Variants in HHAT observed in about 807,000 individuals in gnomAD.
HHAT encodes hedgehog acyltransferase.
Under a neutral mutation model 70.8 loss-of-function variants are expected in HHAT, and 47 were observed. The observed-to-expected ratio is 0.66, with a 90% CI of 0.53 to 0.85. The LOEUF (loss-of-function observed/expected upper bound fraction) is 0.85. Among genes scored for constraint, HHAT ranks in the 40% least tolerant of loss-of-function variants. The pLI is 0.00. For missense variants in HHAT, 609 were observed against 604.8 expected (o/e 1.01, Z -0.07); for synonymous variants, 228 against 247.6 (o/e 0.92, Z 0.74).
chr1:210,429,314 C>T (rs952669386), intron 7 of HHAT, among the ~76,000 whole-genome samples: 2 of 151,678 alleles, frequency 1.3e-5, no homozygotes, highest in African/African-American at 4.9e-5. Flanking sequence ...TCCTAGTTGT[C>T]TCCAAATATA....
chr1:210,463,976 C>T (rs2094038337), intron 7 of HHAT, among the ~76,000 whole-genome samples: 1 of 152,208 alleles, frequency 6.6e-6, no homozygotes, highest in South Asian at 2.1e-4. Flanking sequence ...TTGATACAGG[C>T]ATTCAGTGTG....
chr1:210,336,745 T>A (rs557570678), intron 1 of HHAT, among the ~76,000 whole-genome samples: 12 of 152,150 alleles, frequency 7.9e-5, no homozygotes, highest in Non-Finnish European at 1.8e-4. Flanking sequence ...GATCATGCCA[T>A]GCACTGTAGT....
chr1:210,484,141 C>A (rs1340645836), intron 8 of HHAT, among the ~76,000 whole-genome samples: 1 of 152,190 alleles, frequency 6.6e-6, no homozygotes, highest in Non-Finnish European at 1.5e-5. Flanking sequence ...CTATTATTAA[C>A]CCCAAGCCTG....
chr1:210,518,173 G>A (rs942746704), intron 9 of HHAT, among the ~76,000 whole-genome samples: 2 of 152,002 alleles, frequency 1.3e-5, no homozygotes, highest in East Asian at 3.9e-4. Flanking sequence ...CTGTGCAATC[G>A]GACACCAGAA....
chr1:210,612,974 GGTT>G (rs1666895411), intron 10 of HHAT, among the ~76,000 whole-genome samples: 1 of 152,062 alleles, frequency 6.6e-6, no homozygotes, highest in South Asian at 2.1e-4. Flanking sequence ...GGATTTTTTT[GGTT>G]GTTGTGTTAT....
chr1:210,624,409 C>T (rs1287714271), intron 11 of HHAT, among the ~76,000 whole-genome samples: 1 of 152,136 alleles, frequency 6.6e-6, no homozygotes, highest in Non-Finnish European at 1.5e-5. Flanking sequence ...TCTGTGGGTC[C>T]TAGCCTGCAA....
intron 11 of HHAT, among the ~76,000 whole-genome samples, chr1:210,661,444 CT>C (rs1205377863): frequency 6.6e-6 from 1 of 152,204 alleles, no homozygotes; most frequent in Non-Finnish European, 1.5e-5. Flanking sequence ...CACTTTTACA[CT>C]TTTGGTGGGA....
intron 9 of HHAT, among the ~76,000 whole-genome samples, chr1:210,560,851 A>AAAAAC (rs2095616641): frequency 7.7e-6 from 1 of 129,538 alleles, no homozygotes; most frequent in Non-Finnish European, 1.7e-5. Flanking sequence ...AAAAAAAAAA[A>AAAAAC]CCAGAGTAGA....
chr1:210,460,055 C>T (rs114830119), intron 7 of HHAT, among the ~76,000 whole-genome samples: 282 of 152,308 alleles, frequency 1.9e-3, no homozygotes, highest in South Asian at 0.011. Flanking sequence ...GTGGCCACTC[C>T]GTGTGGCTTG....
chr1:210,494,947 A>G (rs542791796), intron 8 of HHAT, among the ~76,000 whole-genome samples: 24 of 152,242 alleles, frequency 1.6e-4, no homozygotes, highest in African/African-American at 5.5e-4. Context: ...GGGACTCCCA[A>G]TTTGGGAGTC....
intron 9 of HHAT, among the ~76,000 whole-genome samples, chr1:210,577,653 T>C (rs1015940393): frequency 2.3e-5 from 3 of 129,400 alleles, no homozygotes; most frequent in South Asian, 2.7e-4. Context: ...TTTTTTTTTT[T>C]TTTTTTTTTT....
chr1:210,432,351 T>C (rs1043136775), intron 7 of HHAT, among the ~76,000 whole-genome samples: 1 of 151,928 alleles, frequency 6.6e-6, no homozygotes, highest in African/African-American at 2.4e-5. Context: ...GGAATGTTAA[T>C]AAACAAAGGA....
At chr1:210,461,913 C>A (rs1007644612) in intron 7 of HHAT, among the ~76,000 whole-genome samples, 1 of 152,070 alleles carries the variant, frequency 6.6e-6, no homozygotes, top group Admixed American at 6.6e-5. Flanking sequence ...TTTAAAAAAA[C>A]CCCAAAATCA....
intron 11 of HHAT, chr1:210,630,974 AT>A (rs1558313456): frequency 6.7e-6 from 3 of 444,816 alleles, no homozygotes; most frequent in Non-Finnish European, 1.3e-5. Context: ...AAGCCAACAT[AT>A]CTTTGTATTT....
At chr1:210,672,353 T>TCTGC (rs1558404402) in intron 11 of HHAT, among the ~76,000 whole-genome samples, 3 of 152,206 alleles carry the variant, frequency 2.0e-5, no homozygotes, top group African/African-American at 7.2e-5. Context: ...CCACTGTCTG[T>TCTGC]CTGCCTGCCT....
intron 1 of HHAT, among the ~76,000 whole-genome samples, chr1:210,344,083 C>A (rs2086283530): frequency 6.6e-6 from 1 of 152,140 alleles, no homozygotes; most frequent in Admixed American, 6.5e-5. Context: ...CCTCCCTGAA[C>A]CCCACAGGTG....
At chr1:210,603,493 T>C (rs1664730182) in intron 10 of HHAT, among the ~76,000 whole-genome samples, 1 of 152,174 alleles carries the variant, frequency 6.6e-6, no homozygotes, top group African/African-American at 2.4e-5. Flanking sequence ...CAATTCTGGG[T>C]ATCTTTTTCT....
At chr1:210,555,040 A>G (rs1218775947) in intron 9 of HHAT, among the ~76,000 whole-genome samples, 1 of 152,172 alleles carries the variant, frequency 6.6e-6, no homozygotes, top group African/African-American at 2.4e-5. Context: ...CAGAGGAAGG[A>G]AAGAATATGT....
chr1:210,572,641 C>G (rs553639167), intron 9 of HHAT, among the ~76,000 whole-genome samples: 1 of 152,102 alleles, frequency 6.6e-6, no homozygotes, highest in Non-Finnish European at 1.5e-5. Context: ...TGCCTGTAAT[C>G]CCAGTGACTT....
Sources: gnomAD v4.1 joint callset for allele counts (sites outside exome capture counted in the v4.1 genomes callset) on GRCh38, gnomAD v4.1.1 for gene constraint, MANE v1.5 for transcripts, NCBI Gene and HGNC (gene_info 2026-07-23, HGNC 2026-07-21) for gene names.